The following MINAR1 variants were observed in gnomAD, a reference collection of about 807,000 sequenced individuals.
MINAR1 encodes major intrinsically disordered Notch2-binding receptor 1.
A neutral mutation model predicts 65.1 loss-of-function variants in MINAR1; 40 were observed. The observed-to-expected ratio is 0.61, with a 90% CI of 0.48 to 0.80. The LOEUF is 0.80. Among genes scored for constraint, MINAR1 ranks in the 30% least tolerant of loss-of-function variants. The probability of loss-of-function intolerance (pLI) is 0.00; values close to 1 mark genes in which losing one functional copy is unlikely to be tolerated. For missense variants in MINAR1, 1,128 were observed against 1,148.0 expected (o/e 0.98, Z 0.25); for synonymous variants, 482 against 449.1 (o/e 1.07, Z -0.93).
rs1442579354 is a variant in MINAR1, at chr15:79,470,938, G to T, written c.*2554G>T. On this transcript the variant is annotated 3_prime_UTR_variant, in exon 4 of 4. Transcript: ENST00000305428. Reference sequence around the variant, plus strand: ...TGGGGTCTTGGGATAGATAGAAGGTGAGGTTCACAGTTGGAGCTTTTCTTG... The same window carrying T: ...TGGGGTCTTGGGATAGATAGAAGGTTAGGTTCACAGTTGGAGCTTTTCTTG... 1 of 152,166 alleles carries T rather than the reference G, an allele frequency of 6.6e-6. No homozygotes were observed. The highest frequency in any genetic ancestry group is 1.5e-5 in the Non-Finnish European group (1 of 68,068). The allele number at this position is 152,166 out of a possible 1,614,324, so 9.4% of individuals were successfully genotyped here.
chr15:79,425,286 C>T, the MINAR1 span: 1 of 152,150 alleles, frequency 6.6e-6, no homozygotes. Flanking sequence ...GTGATCTGCC[C>T]ACCTGTCAAG....
At chr15:79,467,746 A>C (rs983864524) in intron 3 of MINAR1, among the ~76,000 whole-genome samples, 2 of 152,218 alleles carry the variant, frequency 1.3e-5, no homozygotes, top group Non-Finnish European at 2.9e-5. Flanking sequence ...GAGAAAGAAG[A>C]ACTGACTCAG....
At chr15:79,448,499 T>C (rs973933695) in intron 1 of MINAR1, among the ~76,000 whole-genome samples, 13 of 152,118 alleles carry the variant, frequency 8.5e-5, no homozygotes, top group African/African-American at 3.1e-4. Context: ...GCAACCACCA[T>C]CCTAAAACCA....
At chr15:79,440,759 A>G (rs1894848275) in intron 1 of MINAR1, among the ~76,000 whole-genome samples, 1 of 151,966 alleles carries the variant, frequency 6.6e-6, no homozygotes, top group South Asian at 2.1e-4. Context: ...TCCTCTGACC[A>G]TCTTGTTTAC....
chr15:79,452,316 ATG>A (rs1409444773), intron 1 of MINAR1, among the ~76,000 whole-genome samples: 8 of 151,002 alleles, frequency 5.3e-5, no homozygotes, highest in South Asian at 2.1e-4. Context: ...AAGTGTCTGG[ATG>A]TGTGTGTCTG....
intron 1 of MINAR1, among the ~76,000 whole-genome samples, chr15:79,444,665 A>G (rs1894960180): frequency 6.6e-6 from 1 of 151,848 alleles, no homozygotes; most frequent in Admixed American, 6.6e-5. Flanking sequence ...AATTTTTACT[A>G]TGATTAGTTT....
At position 79,470,772 on chromosome 15, in the gene MINAR1, C is replaced by G. The variant is rs1454070459; in HGVS notation, c.*2388C>G. 1 of 152,150 alleles carries G rather than the reference C, an allele frequency of 6.6e-6. No homozygotes were observed. Among genetic ancestry groups the G allele is most frequent in the African/African-American group, 2.4e-5 (1 of 41,422 alleles). 9.4% of individuals were successfully genotyped at this position (152,150 alleles called of 1,614,324 possible). ...TGTCACGTAACGGAAACATCTAGAC[C>G]TGGTAATAATCCAGGAAATTGCAAA... On this transcript the variant is annotated 3_prime_UTR_variant, in exon 4 of 4. Transcript: ENST00000305428.
chr15:79,429,919 G>A (rs1347404039), upstream of MINAR1, among the ~76,000 whole-genome samples: 3 of 152,200 alleles, frequency 2.0e-5, no homozygotes, highest in Non-Finnish European at 4.4e-5. Context: ...ACAGCACCTG[G>A]CTGAGGTGTT....
At chr15:79,448,287 C>T (rs927196790) in intron 1 of MINAR1, among the ~76,000 whole-genome samples, 9 of 152,348 alleles carry the variant, frequency 5.9e-5, no homozygotes, top group Admixed American at 3.9e-4. Flanking sequence ...TCTTGAGAAA[C>T]AGAAGTGTAA....
intron 3 of MINAR1, among the ~76,000 whole-genome samples, chr15:79,467,899 G>A (rs768840612): frequency 1.3e-5 from 2 of 152,026 alleles, no homozygotes; most frequent in Non-Finnish European, 1.5e-5. Flanking sequence ...AGTCTTGCTC[G>A]TCTCAGCCCC....
upstream of MINAR1, among the ~76,000 whole-genome samples, chr15:79,429,422 C>T (rs931709688): frequency 6.6e-6 from 1 of 152,210 alleles, no homozygotes; most frequent in Non-Finnish European, 1.5e-5. Context: ...TCTTCACATT[C>T]CAAACTCAAG....
intron 1 of MINAR1, among the ~76,000 whole-genome samples, chr15:79,435,961 G>A (rs113083892): frequency 0.012 from 1,820 of 152,306 alleles, 39 homozygotes; most frequent in African/African-American, 0.042. Flanking sequence ...TTGAAATCAG[G>A]TATGGCCATG....
In MINAR1 at chr15:79,458,239, G is replaced by T; in HGVS notation, c.2092G>T (p.Ala698Ser). 6.2e-7 allele frequency: 1 copy of T among 1,613,982 alleles called. No homozygotes were observed. Among genetic ancestry groups the T allele is most frequent in the South Asian group, 1.1e-5 (1 of 91,052 alleles). Reference sequence around the variant, plus strand: ...CAACAGTGAAAGCCTGCGGGTCAAGGCCTTAAAAAAAAGCCTCTTCACCAG... The same window carrying T: ...CAACAGTGAAAGCCTGCGGGTCAAGTCCTTAAAAAAAAGCCTCTTCACCAG... ...GSNSESLRVK[A>S]LKKSLFTRPS... Residue 698 changes from alanine (A) to serine (S), a missense_variant, in exon 2 of 4, where the codon GCC becomes TCC. Transcript: ENST00000305428.
the MINAR1 span, chr15:79,423,280 A>G: frequency 6.6e-6 from 1 of 152,232 alleles, no homozygotes; most frequent in Non-Finnish European, 1.5e-5. Flanking sequence ...ATTAACATGT[A>G]AGATAATGTG....
chr15:79,450,968 T>A (rs995240810), intron 1 of MINAR1, among the ~76,000 whole-genome samples: 2 of 152,122 alleles, frequency 1.3e-5, no homozygotes, highest in Non-Finnish European at 2.9e-5. Flanking sequence ...TTAAACCCAT[T>A]GTTACAGATG....
At chr15:79,431,055 C>A (rs952975607), upstream of MINAR1, among the ~76,000 whole-genome samples, 1 of 152,108 alleles carries the variant, frequency 6.6e-6, no homozygotes, top group African/African-American at 2.4e-5. Flanking sequence ...GCCTTTGCTC[C>A]GATCACAGGT....
chr15:79,412,343 C>G, the MINAR1 span: 3 of 152,466 alleles, frequency 2.0e-5, no homozygotes, highest in Admixed American at 6.5e-5. Context: ...TCCTCCTCCC[C>G]ACACCATGCC....
chr15:79,416,522 T>G, the MINAR1 span: 3 of 152,218 alleles, frequency 2.0e-5, no homozygotes, highest in African/African-American at 7.2e-5. Context: ...GGCAATCCAG[T>G]CTGATGGGGC....
chr15:79,465,937 T>G (rs1895833879), intron 3 of MINAR1, among the ~76,000 whole-genome samples: 1 of 151,928 alleles, frequency 6.6e-6, no homozygotes, highest in South Asian at 2.1e-4. Flanking sequence ...CAAGCAGAGC[T>G]TTGGTGGCTC....
Sources: allele counts gnomAD v4.1 joint callset (sites outside exome capture counted in the v4.1 genomes callset), GRCh38; gene constraint gnomAD v4.1.1; transcripts MANE v1.5; gene names NCBI Gene and HGNC (gene_info 2026-07-23, HGNC 2026-07-21).